Variants in RARB observed in about 807,000 individuals in gnomAD.
RARB encodes retinoic acid receptor beta.
In RARB, 17 loss-of-function variants were observed where a neutral mutation model predicts 51.9. That is an observed-to-expected ratio of 0.33 (90% confidence interval 0.22 to 0.49). The LOEUF (loss-of-function observed/expected upper bound fraction) is 0.49, where lower values mean the gene tolerates loss of function less well. Ranked by LOEUF, RARB falls within the 20% of genes least tolerant of loss-of-function variation. The pLI is 0.99. For synonymous variants in RARB, 215 were observed against 195.4 expected, an observed-to-expected ratio of 1.10 and a Z score of -0.84; for missense variants, 369 against 550.8, an observed-to-expected ratio of 0.67 and a Z score of 3.30.
chr3:25,366,854 T>G (rs1277383222), intron 5 of RARB, among the ~76,000 whole-genome samples: 4 of 152,190 alleles, frequency 2.6e-5, no homozygotes, highest in African/African-American at 9.6e-5. Flanking sequence ...TCATTTTACC[T>G]CATGAGGTAA....
At chr3:25,589,590 C>T (rs1701534336) in intron 5 of RARB, among the ~76,000 whole-genome samples, 1 of 152,202 alleles carries the variant, frequency 6.6e-6, no homozygotes, top group East Asian at 1.9e-4. Context: ...TCTGGGGTCC[C>T]ACATCATCAG....
chr3:25,188,584 CT>C (rs1701028668), intron 5 of RARB, among the ~76,000 whole-genome samples: 2 of 152,084 alleles, frequency 1.3e-5, no homozygotes, highest in Non-Finnish European at 2.9e-5. Flanking sequence ...ATTCTGTCAG[CT>C]TCTTTGAAAG....
intron 2 of RARB, among the ~76,000 whole-genome samples, chr3:25,015,727 G>T (rs1697494063): frequency 1.3e-5 from 2 of 152,076 alleles, no homozygotes; most frequent in African/African-American, 4.8e-5. Flanking sequence ...TTCTGTTTTT[G>T]GTCAGACAGG....
At chr3:25,594,276 G>A (rs1302949296) in intron 6 of RARB, among the ~76,000 whole-genome samples, 1 of 152,164 alleles carries the variant, frequency 6.6e-6, no homozygotes, top group Non-Finnish European at 1.5e-5. Flanking sequence ...TCTGGTCAAA[G>A]GAGGTAATTC....
chr3:25,238,951 C>T (rs951293877), intron 5 of RARB, among the ~76,000 whole-genome samples: 2 of 151,068 alleles, frequency 1.3e-5, no homozygotes, highest in Non-Finnish European at 2.9e-5. Flanking sequence ...TGCACTCCAG[C>T]CGGGGCAGCA....
intron 5 of RARB, among the ~76,000 whole-genome samples, chr3:25,304,400 A>G (rs1318158526): frequency 6.6e-6 from 1 of 152,182 alleles, no homozygotes; most frequent in African/African-American, 2.4e-5. Context: ...CACCTCTATG[A>G]CATGTCTGCC....
intron 5 of RARB, among the ~76,000 whole-genome samples, chr3:25,582,443 C>T (rs1375327566): frequency 6.6e-6 from 1 of 151,984 alleles, no homozygotes; most frequent in Non-Finnish European, 1.5e-5. Context: ...CTGGAGCCTT[C>T]CCAGGCCTCA....
chr3:25,239,245 A>G (rs1273578326), intron 5 of RARB, among the ~76,000 whole-genome samples: 2 of 152,174 alleles, frequency 1.3e-5, no homozygotes, highest in African/African-American at 4.8e-5. Context: ...TTCCTATTCA[A>G]CAGGTTGTTC....
intron 4 of RARB, among the ~76,000 whole-genome samples, chr3:25,133,103 C>A (rs969274413): frequency 6.6e-6 from 1 of 151,856 alleles, no homozygotes; most frequent in Non-Finnish European, 1.5e-5. Flanking sequence ...TGAACGAGTT[C>A]TTTTAGATTT....
chr3:25,463,057 G>C (rs952057018), intron 2 of RARB, among the ~76,000 whole-genome samples: 14 of 152,254 alleles, frequency 9.2e-5, no homozygotes, highest in Admixed American at 3.9e-4. Context: ...TTTTTGTAGA[G>C]ATGGGGGTCT....
chr3:25,390,067 ATGTT>A (rs1706907232), intron 5 of RARB, among the ~76,000 whole-genome samples: 1 of 152,246 alleles, frequency 6.6e-6, no homozygotes, highest in East Asian at 1.9e-4. Context: ...TGTTGTCTGA[ATGTT>A]TGTATCACCC....
intron 5 of RARB, 141 bp from the exon 6 acceptor site, chr3:25,593,362 A>G (rs1701688999): frequency 1.3e-6 from 1 of 752,924 alleles, no homozygotes; most frequent in Non-Finnish European, 2.1e-6. Flanking sequence ...AAAGAGCTAA[A>G]GAAGACATTC....
At chr3:25,202,423 G>A (rs1701418095) in intron 5 of RARB, among the ~76,000 whole-genome samples, 1 of 151,880 alleles carries the variant, frequency 6.6e-6, no homozygotes, top group Non-Finnish European at 1.5e-5. Context: ...GGTTTTTTGT[G>A]TCTCTATCTC....
chr3:25,064,623 G>C (rs575173730), intron 3 of RARB, among the ~76,000 whole-genome samples: 1 of 152,226 alleles, frequency 6.6e-6, no homozygotes, highest in South Asian at 2.1e-4. Flanking sequence ...TGTAGTTAGG[G>C]AAAATAGGAA....
intron 2 of RARB, among the ~76,000 whole-genome samples, chr3:24,976,414 C>T (rs768705456): frequency 6.6e-6 from 1 of 152,224 alleles, no homozygotes; most frequent in African/African-American, 2.4e-5. Context: ...TGTTTCTCCA[C>T]ATCCTCTCCA....
intron 3 of RARB, among the ~76,000 whole-genome samples, chr3:25,102,994 G>A (rs550726995): frequency 7.2e-5 from 11 of 152,206 alleles, no homozygotes; most frequent in Non-Finnish European, 1.3e-4. Flanking sequence ...AGGTTGCAGT[G>A]AGCCGAGAGT....
intron 5 of RARB, among the ~76,000 whole-genome samples, chr3:25,345,007 G>GT (rs1018741635): frequency 4.6e-5 from 7 of 152,112 alleles, no homozygotes; most frequent in Admixed American, 3.9e-4. Context: ...CTTTATGCTT[G>GT]TTTTTTTGGT....
chr3:25,295,981 T>C (rs76745977), intron 5 of RARB, among the ~76,000 whole-genome samples: 8,601 of 152,286 alleles, frequency 0.056, 396 homozygotes, highest in South Asian at 0.22. Flanking sequence ...CAAATGTGTT[T>C]CTCAAAAGTG....
At chr3:24,867,287 C>A (rs914001965) in intron 2 of RARB, among the ~76,000 whole-genome samples, 13 of 152,070 alleles carry the variant, frequency 8.5e-5, no homozygotes, top group African/African-American at 2.9e-4. Context: ...CTAAATATCT[C>A]CCAAAGTTAG....
Sources: gnomAD v4.1 joint callset for allele counts (sites outside exome capture counted in the v4.1 genomes callset) on GRCh38, gnomAD v4.1.1 for gene constraint, MANE v1.5 for transcripts, NCBI Gene and HGNC (gene_info 2026-07-23, HGNC 2026-07-21) for gene names.